DMTN: variants seen among roughly 807,000 people sequenced by gnomAD.
The protein encoded by DMTN is dematin.
A neutral mutation model predicts 59.4 loss-of-function variants in DMTN; 27 were observed. The observed-to-expected ratio is 0.45, with a 90% CI of 0.33 to 0.63. DMTN has a LOEUF of 0.63. Ranked by LOEUF, DMTN falls within the 20% of genes least tolerant of loss-of-function variation. The pLI is 0.02. For missense variants in DMTN, 451 were observed against 528.9 expected (o/e 0.85, Z 1.45); for synonymous variants, 221 against 203.7 (o/e 1.08, Z -0.72).
chr8:22,051,010 C>T (rs1298650514), upstream of DMTN, among the ~76,000 whole-genome samples: 1 of 152,174 alleles, frequency 6.6e-6, no homozygotes, highest in South Asian at 2.1e-4. Flanking sequence ...CACATCTAGG[C>T]GGTTGGAAGG....
At chr8:22,051,948 C>T (rs1215837450), upstream of DMTN, among the ~76,000 whole-genome samples, 5 of 152,226 alleles carry the variant, frequency 3.3e-5, no homozygotes, top group Admixed American at 6.5e-5. Flanking sequence ...TCTCCCTATT[C>T]GGCCCTAGCC....
At position 22,067,076 on chromosome 8, in the gene DMTN, T is replaced by C. The variant is rs1585873508; in HGVS notation, c.19-9T>C. On this transcript the variant is annotated splice_polypyrimidine_tract_variant and intron_variant, in intron 2 of 15. Transcript: ENST00000358242. Reference sequence around the variant, plus strand: ...CGTGCCCACCCGCCCGCCTTCTCGCTCTCCCCAGCAACCACTTACCTCCCC... The same window carrying C: ...CGTGCCCACCCGCCCGCCTTCTCGCCCTCCCCAGCAACCACTTACCTCCCC... 6.7e-7 allele frequency: 1 copy of C among 1,499,536 alleles called. No homozygotes were observed. The highest frequency in any genetic ancestry group is 8.9e-7 in the Non-Finnish European group (1 of 1,118,336). 92.9% of individuals were successfully genotyped at this position (1,499,536 alleles called of 1,614,324 possible). A position where few individuals can be genotyped will look rare whatever the true frequency, so the allele number is the denominator to read the frequency against.
upstream of DMTN, among the ~76,000 whole-genome samples, chr8:22,052,695 G>A (rs144499327): frequency 4.6e-5 from 7 of 150,904 alleles, no homozygotes; most frequent in African/African-American, 9.7e-5. Context: ...TTTTTCGTAC[G>A]TCCCCAAAGA....
chr8:22,063,078 C>T (rs756605988), intron 1 of DMTN, among the ~76,000 whole-genome samples: 3 of 152,160 alleles, frequency 2.0e-5, no homozygotes, highest in Non-Finnish European at 4.4e-5. Flanking sequence ...TCCAGCCTGG[C>T]CTCTTCCGTA....
chr8:22,069,137 A>T, intron 5 of DMTN, 77 bp downstream of exon 5: 3 of 1,527,796 alleles, frequency 2.0e-6, no homozygotes, highest in Non-Finnish European at 2.7e-6. Context: ...CACACATCAG[A>T]CCAAGCTCTG....
intron 10 of DMTN, 105 bp from the exon 11 acceptor site, chr8:22,080,075 C>A (rs1823126236): frequency 7.4e-7 from 1 of 1,343,178 alleles, no homozygotes; most frequent in Non-Finnish European, 1.1e-6. Flanking sequence ...CCAGCGTGAT[C>A]CCTTCCTGCC....
intron 1 of DMTN, among the ~76,000 whole-genome samples, chr8:22,065,050 A>G (rs1585819706): frequency 6.6e-6 from 1 of 152,358 alleles, no homozygotes; most frequent in African/African-American, 2.4e-5. Context: ...TGAGCATTCA[A>G]AAAATGATAG....
At position 22,060,413 on chromosome 8, in the gene DMTN, G is replaced by GCTCT. The variant is rs3063991; in HGVS notation, c.-172+3293_-172+3296dup. 0.12 allele frequency among the ~76,000 whole-genome samples: 17,313 copies of GCTCT among 147,498 alleles called. 1,084 individuals are homozygous for GCTCT. Among genetic ancestry groups the GCTCT allele is most frequent in the Admixed American group, 0.16 (2,323 of 14,822 alleles). On this transcript the variant is annotated intron_variant, in intron 1 of 15. Transcript: ENST00000358242. This position sits in a 1 kb window ranked among gnomAD's most constrained non-coding sequence, Gnocchi z 5.0. ...CTCTCTCTTTCTCTCTTTCTGTCTC[G>GCTCT]CTCTCTCTCTCTCTCTCTCCCCCTC... is the stretch of plus-strand genomic sequence containing the variant.
chr8:22,072,353 C>T lies in DMTN; in HGVS notation c.632C>T (p.Ser211Phe). 6.2e-7 allele frequency: 1 copy of T among 1,604,134 alleles called. No homozygotes were observed. Among genetic ancestry groups the T allele is most frequent in the Non-Finnish European group, 8.5e-7 (1 of 1,174,976 alleles). Reference protein sequence around the residue: ...VETEWRKRKASRRGAEEEEEE... With the variant: ...VETEWRKRKAFRRGAEEEEEE... The stretch of plus-strand genomic sequence containing the variant: ...ACAGAATGGAGGAAGCGGAAGGCGT[C>T]TCGGAGGGGAGCAGAGGAAGAGGAG... The change falls in exon 9 of 16, where the codon TCT becomes TTT. Residue 211 changes from serine to phenylalanine, a missense_variant. Physicochemically the swap from Ser to Phe is radical, Grantham distance 155 (BLOSUM62 -2). Transcript: ENST00000358242.
At chr8:22,050,083 A>G (rs1801190494), upstream of DMTN, among the ~76,000 whole-genome samples, 1 of 152,308 alleles carries the variant, frequency 6.6e-6, no homozygotes, top group Admixed American at 6.5e-5. Context: ...GCTTTTCACC[A>G]GGTTACTTTT....
chr8:22,081,752 C>T lies in DMTN; in HGVS notation c.*289C>T, dbSNP rs1446064408. ...TTGCGCCCTCTCCCTGCCCCTCACC[C>T]CAGAGGGTGAGGAGGAATGAGGGGC... On this transcript the variant is annotated 3_prime_UTR_variant, in exon 16 of 16. Transcript: ENST00000358242. 1.8e-6 allele frequency: 1 copy of T among 541,032 alleles called. No individual in the cohort carries two copies. The highest frequency in any genetic ancestry group is 2.3e-5 in the Admixed American group (1 of 43,610). 33.5% of individuals were successfully genotyped at this position (541,032 alleles called of 1,614,324 possible).
In DMTN at chr8:22,081,650, G is replaced by A. The variant is rs1586267138; in HGVS notation, c.*187G>A. The stretch of plus-strand genomic sequence containing the variant: ...GACTTTCTTCCCCCTCACAAGGCTG[G>A]GGGCCTCCTGCTCTCGTCCCTGGCC... On this transcript the variant is annotated 3_prime_UTR_variant, in exon 16 of 16. Coordinates refer to ENST00000358242, the MANE Select transcript of DMTN (RefSeq NM_001387751.1). 6.5e-6 allele frequency: 4 copies of A among 616,166 alleles called. No individual in the cohort carries two copies. Among genetic ancestry groups the A allele is most frequent in the Non-Finnish European group, 1.2e-5 (4 of 345,652 alleles). 38.2% of individuals were successfully genotyped at this position (616,166 alleles called of 1,614,324 possible).
rs1824756306 is a variant in DMTN at position 22,082,438 on chromosome 8, A to G, written c.*975A>G. Reference sequence around the variant, plus strand: ...CCAGGTCTGGGTATTGCTCCTGCCCAGACCCTGACATCCCTTTCCACTGTG... The same window carrying G: ...CCAGGTCTGGGTATTGCTCCTGCCCGGACCCTGACATCCCTTTCCACTGTG... On this transcript the variant is annotated 3_prime_UTR_variant, in exon 16 of 16. Coordinates refer to ENST00000358242, the MANE Select transcript of DMTN (RefSeq NM_001387751.1). The G allele has an allele frequency of 8.6e-6, 3 of 348,850 alleles. No individual in the cohort carries two copies. In the Admixed American group the frequency reaches 1.1e-4, roughly 13 times the overall value. The allele number at this position is 348,850 out of a possible 1,614,324, so 21.6% of individuals were successfully genotyped here. A position where few individuals can be genotyped will look rare whatever the true frequency, so the allele number is the denominator to read the frequency against.
chr8:22,064,734 A>G (rs1049839434), intron 1 of DMTN, among the ~76,000 whole-genome samples: 8 of 152,230 alleles, frequency 5.3e-5, no homozygotes, highest in Non-Finnish European at 1.0e-4. Flanking sequence ...CTGGGATTAC[A>G]GGTGTGAGCC....
chr8:22,059,667 C>T (rs1388069731), intron 1 of DMTN, among the ~76,000 whole-genome samples: 1 of 152,166 alleles, frequency 6.6e-6, no homozygotes, highest in Non-Finnish European at 1.5e-5. Flanking sequence ...TTTTGCTCAT[C>T]TCTAAATGAG....
rs114608736 is a variant in DMTN, at chr8:22,081,666, G to A, written c.*203G>A. 120 of 605,028 alleles carry A rather than the reference G, an allele frequency of 2.0e-4. No homozygotes were observed. The highest frequency in any genetic ancestry group is 1.8e-3 in the African/African-American group (100 of 54,252). The allele number at this position is 605,028 out of a possible 1,614,324, so 37.5% of individuals were successfully genotyped here. A position where few individuals can be genotyped will look rare whatever the true frequency, so the allele number is the denominator to read the frequency against. ...ACAAGGCTGGGGGCCTCCTGCTCTC[G>A]TCCCTGGCCCTCCCTGCACAGGGCA... On this transcript the variant is annotated 3_prime_UTR_variant, in exon 16 of 16. Coordinates refer to ENST00000358242, the MANE Select transcript of DMTN (RefSeq NM_001387751.1).
At chr8:22,080,705 G>A (rs1402813759) in intron 13 of DMTN, 80 bp downstream of exon 13, 5 of 1,581,992 alleles carry the variant, frequency 3.2e-6, no homozygotes, top group Non-Finnish European at 4.3e-6. Context: ...GAAGGGGGGT[G>A]TGGGGCCACA....
chr8:22,073,630 C>CAA (rs143269534), intron 9 of DMTN, 100 bp from the exon 10 acceptor site: 2 of 608,732 alleles, frequency 3.3e-6, no homozygotes, highest in African/African-American at 2.7e-5. Context: ...GACCCTGTCT[C>CAA]AAAAAAAAAA....
Position 22,081,525 on chromosome 8 carries a change from G to T in DMTN, c.*62G>T. On this transcript the variant is annotated 3_prime_UTR_variant, in exon 16 of 16. Coordinates refer to ENST00000358242, the MANE Select transcript of DMTN (RefSeq NM_001387751.1). ...TGCTGCTTCAGGGTTTTTCCCCGGC[G>T]GGTTGGGAGGGGCAGGAGGTGGGGT... 1 of 1,464,766 alleles carries T rather than the reference G, an allele frequency of 6.8e-7. No homozygotes were observed. Among genetic ancestry groups the T allele is most frequent in the Non-Finnish European group, 9.6e-7 (1 of 1,046,214 alleles). The allele number at this position is 1,464,766 out of a possible 1,614,324, so 90.7% of individuals were successfully genotyped here. A position where few individuals can be genotyped will look rare whatever the true frequency, so the allele number is the denominator to read the frequency against.
Sources: gnomAD v4.1 joint callset for allele counts (sites outside exome capture counted in the v4.1 genomes callset) on GRCh38, gnomAD v4.1.1 for gene constraint, Gnocchi (gnomAD v3.1) non-coding constraint, MANE v1.5 for transcripts, NCBI Gene and HGNC (gene_info 2026-07-23, HGNC 2026-07-21) for gene names.